RNF24: variants seen among roughly 807,000 people sequenced by gnomAD.
RNF24 encodes ring finger protein 24.
A neutral mutation model predicts 20.0 loss-of-function variants in RNF24; 14 were observed. The ratio of observed to expected loss-of-function variants is 0.70; its 90% CI spans 0.46 to 1.10. The LOEUF is 1.10. Among genes scored for constraint, RNF24 ranks in the 50% least tolerant of loss-of-function variants. The pLI is 0.00. For missense variants in RNF24, 124 were observed against 177.6 expected, an observed-to-expected ratio of 0.70 and a Z score of 1.71; for synonymous variants, 45 against 61.1, an observed-to-expected ratio of 0.74 and a Z score of 1.23.
At chr20:4,010,614 C>A (rs1011490409) in intron 1 of RNF24, among the ~76,000 whole-genome samples, 2 of 152,122 alleles carry the variant, frequency 1.3e-5, no homozygotes, top group Non-Finnish European at 2.9e-5. Context: ...CACCTGACAG[C>A]CGTCATGTTG....
chr20:3,956,758 T>C (rs1013678411), intron 2 of RNF24, among the ~76,000 whole-genome samples: 11 of 152,230 alleles, frequency 7.2e-5, no homozygotes, highest in African/African-American at 2.4e-4. Flanking sequence ...AGTTTATTAA[T>C]TATGTAGTTC....
chr20:3,961,260 G>A (rs2091198609), intron 2 of RNF24, among the ~76,000 whole-genome samples: 1 of 152,010 alleles, frequency 6.6e-6, no homozygotes, highest in Admixed American at 6.6e-5. Context: ...AAATTAGCTG[G>A]GTGTGGTGGT....
intron 1 of RNF24, among the ~76,000 whole-genome samples, chr20:3,974,077 AT>A (rs976053161): frequency 2.0e-5 from 3 of 151,794 alleles, no homozygotes; most frequent in Non-Finnish European, 4.4e-5. Flanking sequence ...AAAAAAAAAA[AT>A]CAATGTAATC....
chr20:3,970,749 G>A (rs753638843), intron 1 of RNF24, among the ~76,000 whole-genome samples: 20 of 152,102 alleles, frequency 1.3e-4, no homozygotes, highest in Non-Finnish European at 2.4e-4. Context: ...AAAGGGGAAA[G>A]CATAAGTGAA....
chr20:4,000,009 G>A (rs8122029), intron 1 of RNF24, among the ~76,000 whole-genome samples: 2,543 of 152,214 alleles, frequency 0.017, 40 homozygotes, highest in African/African-American at 0.037. Flanking sequence ...GGAAGGGGGA[G>A]GAGCGGGGAG....
chr20:3,997,224 C>T (rs1325899892), intron 1 of RNF24, among the ~76,000 whole-genome samples: 2 of 117,276 alleles, frequency 1.7e-5, no homozygotes, highest in African/African-American at 6.7e-5. Context: ...AGCAAGACTC[C>T]ATCTCAAAAA....
chr20:3,963,256 G>T (rs147123651), intron 2 of RNF24, among the ~76,000 whole-genome samples: 4 of 152,260 alleles, frequency 2.6e-5, no homozygotes, highest in African/African-American at 9.6e-5. Context: ...GCAATGGCAC[G>T]ATCTTGGCTC....
chr20:4,012,259 A>G (rs1982516903), intron 1 of RNF24, among the ~76,000 whole-genome samples: 1 of 151,352 alleles, frequency 6.6e-6, no homozygotes, highest in Non-Finnish European at 1.5e-5. Flanking sequence ...CTAAAAATAC[A>G]AAAAAAAATT....
intron 2 of RNF24, among the ~76,000 whole-genome samples, chr20:3,955,416 C>A (rs2146973891): frequency 6.6e-6 from 1 of 152,238 alleles, no homozygotes; most frequent in Non-Finnish European, 1.5e-5. Context: ...GATCTTGGCA[C>A]CCTTATTTGC....
chr20:3,982,102 C>CGTCTCTCTCTCTCTCTCT (rs1979444083), intron 1 of RNF24, among the ~76,000 whole-genome samples: 1 of 78,256 alleles, frequency 1.3e-5, no homozygotes, highest in Non-Finnish European at 2.6e-5. Context: ...GGTGAGACCT[C>CGTCTCTCTCTCTCTCTCT]GTCTCTCTCT....
Position 3,928,934 on chromosome 20 carries a change from T to G in RNF24, c.*5129A>C, listed in dbSNP as rs1375468611. ...GGGGATCTTGGCTCACTGCAACTTC[T>G]GTCTCCCGGGTTCAATCAATTCTCC... On this transcript the variant is annotated 3_prime_UTR_variant, in exon 6 of 6. Transcript: ENST00000358395. 1 of 151,732 alleles carries G rather than the reference T, an allele frequency of 6.6e-6. No individual in the cohort carries two copies. The highest frequency in any genetic ancestry group is 6.6e-5 in the Admixed American group (1 of 15,242). The allele number at this position is 151,732 out of a possible 1,614,324, so 9.4% of individuals were successfully genotyped here.
chr20:3,981,840 C>T (rs1285886007), intron 1 of RNF24, among the ~76,000 whole-genome samples: 2 of 151,980 alleles, frequency 1.3e-5, no homozygotes, highest in East Asian at 1.9e-4. Flanking sequence ...TCTATTGGGC[C>T]GGGCACACTA....
chr20:3,935,414 C>T (rs572718701), intron 4 of RNF24, among the ~76,000 whole-genome samples: 3 of 152,128 alleles, frequency 2.0e-5, no homozygotes, highest in East Asian at 1.9e-4. Flanking sequence ...CCTGGTGTGC[C>T]GAAAGAGCTG....
chr20:3,941,344 G>A (rs749422884), intron 4 of RNF24, among the ~76,000 whole-genome samples: 1 of 152,146 alleles, frequency 6.6e-6, no homozygotes, highest in African/African-American at 2.4e-5. Context: ...GTATATAGAC[G>A]TAATATGATA....
intron 1 of RNF24, among the ~76,000 whole-genome samples, chr20:4,012,118 AT>A (rs1274980276): frequency 6.6e-6 from 1 of 152,260 alleles, no homozygotes; most frequent in East Asian, 1.9e-4. Context: ...ATTTAAAACA[AT>A]AAACAATTAT....
Position 3,963,994 on chromosome 20 carries a change from G to A in RNF24, c.24C>T (p.Tyr8=), listed in dbSNP as rs2091230978. The change falls in exon 2 of 6, where the codon TAC becomes TAT. Residue 8 remains tyrosine (Y), a synonymous_variant. Transcript: ENST00000358395. ...ATCCAATATTAGGCATCCTGAAGTT[G>A]TAATGTGGGAAATCCGAGCTCATGG... is the stretch of plus-strand genomic sequence containing the variant. MSSDFPH[Y]NFRMPNIGFQ... 4 of 1,613,600 alleles carry A rather than the reference G, an allele frequency of 2.5e-6. No individual in the cohort carries two copies. The highest frequency in any genetic ancestry group is 3.4e-6 in the Non-Finnish European group (4 of 1,179,782).
intron 2 of RNF24, among the ~76,000 whole-genome samples, chr20:3,955,800 TC>T (rs2091135344): frequency 6.6e-6 from 1 of 152,232 alleles, no homozygotes; most frequent in African/African-American, 2.4e-5. Context: ...TTCTTTAATT[TC>T]TTTCAGCAAT....
rs1342351270 is a variant in RNF24, at chr20:4,015,439, G to C, written c.-10C>G. 6.6e-6 allele frequency: 1 copy of C among 151,400 alleles called. No homozygotes were observed. The highest frequency in any genetic ancestry group is 2.4e-5 in the African/African-American group (1 of 41,308). 9.4% of individuals were successfully genotyped at this position (151,400 alleles called of 1,614,324 possible). ...CCCGCCCTCGCTCGCTCACTTACTC[G>C]GGCGCGCCGGTGGCAGCGGCAGACG... On this transcript the variant is annotated splice_region_variant and 5_prime_UTR_variant, in exon 1 of 6. Coordinates refer to ENST00000358395, the MANE Select transcript of RNF24 (RefSeq NM_001134337.3).
At chr20:3,961,506 G>A (rs916380779) in intron 2 of RNF24, among the ~76,000 whole-genome samples, 5 of 151,974 alleles carry the variant, frequency 3.3e-5, no homozygotes, top group Non-Finnish European at 7.4e-5. Context: ...TGAGGTAAAA[G>A]GGTGTTTCAT....
Sources: allele counts gnomAD v4.1 joint callset (sites outside exome capture counted in the v4.1 genomes callset), GRCh38; gene constraint gnomAD v4.1.1; transcripts MANE v1.5; gene names NCBI Gene and HGNC (gene_info 2026-07-23, HGNC 2026-07-21).